SLC1A3: variants seen among roughly 807,000 people sequenced by gnomAD.
SLC1A3 encodes excitatory amino acid transporter 1.
A neutral mutation model predicts 48.1 loss-of-function variants in SLC1A3; 21 were observed. That is an observed-to-expected ratio of 0.44 (90% CI 0.31 to 0.63). SLC1A3 has a LOEUF of 0.63. Among genes scored for constraint, SLC1A3 ranks in the 20% least tolerant of loss-of-function variants. The pLI is 0.08. For missense variants in SLC1A3, 546 were observed against 689.0 expected (o/e 0.79, Z 2.32); for synonymous variants, 239 against 251.4 (o/e 0.95, Z 0.47).
At chr5:36,619,868 T>G (rs1044870881) in intron 2 of SLC1A3, among the ~76,000 whole-genome samples, 2 of 152,248 alleles carry the variant, frequency 1.3e-5, no homozygotes, top group Non-Finnish European at 2.9e-5. Flanking sequence ...AGTTTAGAAT[T>G]CATTAACAGA....
intron 9 of SLC1A3, among the ~76,000 whole-genome samples, chr5:36,685,056 T>A (rs1303269734): frequency 6.6e-6 from 1 of 152,226 alleles, no homozygotes; most frequent in Non-Finnish European, 1.5e-5. Context: ...GAAACAGCAT[T>A]TGATCTATAT....
chr5:36,659,442 C>T (rs1741416369), intron 3 of SLC1A3, among the ~76,000 whole-genome samples: 1 of 152,212 alleles, frequency 6.6e-6, no homozygotes, highest in Non-Finnish European at 1.5e-5. Flanking sequence ...AAAATAAAAA[C>T]ATCACTGTCA....
chr5:36,596,946 C>G (rs1449466676), intron 1 of SLC1A3, among the ~76,000 whole-genome samples: 2 of 150,592 alleles, frequency 1.3e-5, no homozygotes, highest in Non-Finnish European at 2.9e-5. Context: ...TCTTGGAATA[C>G]GGAAGAATGT....
intron 2 of SLC1A3, among the ~76,000 whole-genome samples, chr5:36,624,312 C>A (rs1739813625): frequency 6.6e-6 from 1 of 152,182 alleles, no homozygotes; most frequent in South Asian, 2.1e-4. Flanking sequence ...CATTTAGACT[C>A]CTTCAGTCAG....
chr5:36,667,853 T>C (rs1312248051), intron 3 of SLC1A3: 1 of 152,208 alleles, frequency 6.6e-6, no homozygotes, highest in African/African-American at 2.4e-5. Context: ...ATAATAAAGA[T>C]GTCATGATGT....
intron 3 of SLC1A3, among the ~76,000 whole-genome samples, chr5:36,644,306 T>C (rs577729162): frequency 7.9e-5 from 12 of 152,304 alleles, no homozygotes; most frequent in African/African-American, 2.6e-4. Context: ...AGTCTAGGTA[T>C]TGTAATTGTG....
chr5:36,637,069 T>C (rs1740421713), intron 3 of SLC1A3, among the ~76,000 whole-genome samples: 1 of 152,196 alleles, frequency 6.6e-6, no homozygotes. Flanking sequence ...ATAAGCAAAG[T>C]GTCCCAGTGC....
intron 1 of SLC1A3, among the ~76,000 whole-genome samples, chr5:36,599,657 G>C (rs929532972): frequency 2.7e-5 from 4 of 150,186 alleles, no homozygotes; most frequent in Non-Finnish European, 5.9e-5. Flanking sequence ...CTACAGGTGT[G>C]CGCCACCACG....
chr5:36,683,963 C>T lies in SLC1A3; in HGVS notation c.1389C>T (p.Asp463=), dbSNP rs775089315. 14 of 1,614,216 alleles carry T rather than the reference C, an allele frequency of 8.7e-6. No individual in the cohort carries two copies. The highest frequency in any genetic ancestry group is 2.7e-5 in the African/African-American group (2 of 75,064). Residue 463 remains aspartate (D), a synonymous_variant, in exon 9 of 10, where the codon GAC becomes GAT. Transcript: ENST00000265113. The part of the protein sequence containing the change: ...IVLTSVGLPT[D]DITLIIAVDW... ...TGACATCTGTCGGCCTGCCCACTGA[C>T]GACATCACGCTCATCATCGCGGTGG...
At chr5:36,622,885 G>A (rs900482233) in intron 2 of SLC1A3, among the ~76,000 whole-genome samples, 10 of 151,640 alleles carry the variant, frequency 6.6e-5, no homozygotes, top group Non-Finnish European at 5.9e-5. Context: ...GGTGGCAGGC[G>A]CATGTAGTCC....
intron 3 of SLC1A3, among the ~76,000 whole-genome samples, chr5:36,666,060 C>T (rs1741732369): frequency 6.6e-6 from 1 of 152,128 alleles, no homozygotes; most frequent in African/African-American, 2.4e-5. Flanking sequence ...TTTCTTTGTG[C>T]TCCCTCCCCA....
At position 36,645,319 on chromosome 5, in the gene SLC1A3, C is replaced by CTTTTTTTTTTTTTTTTTTTTTT. The variant is rs68027582; in HGVS notation, c.319+15740_319+15761dup. Among the ~76,000 whole-genome samples, 9 of 84,272 alleles carry CTTTTTTTTTTTTTTTTTTTTTT rather than the reference C, an allele frequency of 1.1e-4. 4 individuals are homozygous for CTTTTTTTTTTTTTTTTTTTTTT. The highest frequency in any genetic ancestry group is 1.3e-4 in the African/African-American group (3 of 23,446). The allele number at this position is 84,272 out of a possible 152,430, so 55.3% of individuals were successfully genotyped here. On this transcript the variant is annotated intron_variant, in intron 3 of 9. Transcript: ENST00000265113. ...ATCTTTGAGGACTGACTTCCGCTGC[C>CTTTTTTTTTTTTTTTTTTTTTT]TTTTTTTTTTTTTTTTTTTTTTTTT...
At chr5:36,629,368 C>G in intron 2 of SLC1A3, 82 bp from the exon 3 acceptor site, 1 of 1,213,844 alleles carries the variant, frequency 8.2e-7, no homozygotes, top group Non-Finnish European at 1.2e-6. Context: ...CAGCCAAATA[C>G]TTACTCATTT....
chr5:36,620,147 T>C (rs962458491), intron 2 of SLC1A3, among the ~76,000 whole-genome samples: 2 of 152,216 alleles, frequency 1.3e-5, no homozygotes, highest in African/African-American at 4.8e-5. Flanking sequence ...GCTTATTCTT[T>C]CTAGGCCTCA....
In SLC1A3 at chr5:36,629,497, G is replaced by A. The variant is rs1740049164; in HGVS notation, c.229G>A (p.Glu77Lys). 1 of 1,612,752 alleles carries A rather than the reference G, an allele frequency of 6.2e-7. No homozygotes were observed. Among genetic ancestry groups the A allele is most frequent in the East Asian group, 2.2e-5 (1 of 44,828 alleles). Reference sequence around the variant, plus strand: ...CCGACCATACAGAATGAGCTACCGGGAAGTCAAGTACTTCTCCTTTCCTGG... The same window carrying A: ...CCGACCATACAGAATGAGCTACCGGAAAGTCAAGTACTTCTCCTTTCCTGG... ...TLRPYRMSYR[E>K]VKYFSFPGEL... Residue 77 changes from glutamate to lysine, a missense_variant, in exon 3 of 10, where the codon GAA (glutamate) becomes AAA (lysine). Transcript: ENST00000265113.
chr5:36,603,651 A>G (rs2731882), upstream of SLC1A3, among the ~76,000 whole-genome samples: 78,894 of 151,712 alleles, frequency 0.52, 21,120 homozygotes, highest in African/African-American at 0.66. Flanking sequence ...AAAAAATCAA[A>G]ACAAAATGGA....
intron 3 of SLC1A3, among the ~76,000 whole-genome samples, chr5:36,653,997 C>T (rs371873583): frequency 2.2e-4 from 33 of 152,328 alleles, no homozygotes; most frequent in African/African-American, 7.0e-4. Flanking sequence ...GCATGTGCCA[C>T]CACATCCAGC....
chr5:36,640,807 A>G (rs1057195438), intron 3 of SLC1A3, among the ~76,000 whole-genome samples: 3 of 151,520 alleles, frequency 2.0e-5, no homozygotes, highest in South Asian at 2.1e-4. Flanking sequence ...TGTTTCATCT[A>G]TAATACCCCT....
At position 36,688,321 on chromosome 5, in the gene SLC1A3, T is replaced by C. The variant is rs1392632206; in HGVS notation, c.*2052T>C. On this transcript the variant is annotated 3_prime_UTR_variant, in exon 10 of 10. Coordinates refer to ENST00000265113, the MANE Select transcript of SLC1A3 (RefSeq NM_004172.5). Reference sequence around the variant, plus strand: ...GATGTATTTTCAATAAAGAAAAAAATAGTTTTACATTAACATCTTTGCACG... The same window carrying C: ...GATGTATTTTCAATAAAGAAAAAAACAGTTTTACATTAACATCTTTGCACG... 1.3e-5 allele frequency: 2 copies of C among 152,192 alleles called. No individual in the cohort carries two copies. The highest frequency in any genetic ancestry group is 2.1e-4 in the South Asian group (1 of 4,832). The allele number at this position is 152,192 out of a possible 1,614,324, so 9.4% of individuals were successfully genotyped here.
Sources: allele counts gnomAD v4.1 joint callset (sites outside exome capture counted in the v4.1 genomes callset), GRCh38; gene constraint gnomAD v4.1.1; transcripts MANE v1.5; gene names NCBI Gene and HGNC (gene_info 2026-07-23, HGNC 2026-07-21).